The following DSTYK variants were observed in gnomAD, a reference collection of about 807,000 sequenced individuals.
DSTYK encodes RIP-homologous kinase.
Under a neutral mutation model 98.7 loss-of-function variants are expected in DSTYK, and 34 were observed. That is an observed-to-expected ratio of 0.34 (90% CI 0.26 to 0.46). The LOEUF (loss-of-function observed/expected upper bound fraction) is 0.46. Ranked by LOEUF, DSTYK falls within the 20% of genes least tolerant of loss-of-function variation. DSTYK has a pLI of 1.00. For missense variants in DSTYK, 962 were observed against 1,181.7 expected (o/e 0.81, Z 2.73); for synonymous variants, 462 against 457.3 (o/e 1.01, Z -0.13).
rs1028930922 is a variant in DSTYK, at chr1:205,143,618, TC to T, written c.*3939del. 2 of 152,418 alleles carry T rather than the reference TC, an allele frequency of 1.3e-5. No homozygotes were observed. Among genetic ancestry groups the T allele is most frequent in the Non-Finnish European group, 2.9e-5 (2 of 68,012 alleles). The allele number at this position is 152,418 out of a possible 1,614,324, so 9.4% of individuals were successfully genotyped here. On this transcript the variant is annotated 3_prime_UTR_variant, in exon 13 of 13. Transcript: ENST00000367162. ...CCAAAGTGCTACTGTAATCACCAAT[TC>T]CCCTGGGCCTCCCAGTGCTAAATAA...
intron 9 of DSTYK, 74 bp downstream of exon 9, chr1:205,159,473 T>A: frequency 6.8e-7 from 1 of 1,472,168 alleles, no homozygotes; most frequent in Non-Finnish European, 9.1e-7. Flanking sequence ...AAGCTCTTAA[T>A]AAACAGGAGA....
intron 1 of DSTYK, among the ~76,000 whole-genome samples, chr1:205,188,384 T>C (rs1459037187): frequency 1.3e-5 from 2 of 152,182 alleles, no homozygotes; most frequent in Non-Finnish European, 2.9e-5. Context: ...TTAGGTGGTA[T>C]GGGTATAGCC....
chr1:205,169,946 C>T lies in DSTYK; in HGVS notation c.655-114G>A, dbSNP rs544567688. On this transcript the variant is annotated intron_variant, in intron 2 of 12. Transcript: ENST00000367162. This position sits in a 1 kb window ranked among gnomAD's most constrained non-coding sequence, Gnocchi z 4.0. Reference sequence around the variant, plus strand: ...GATCTACAATGGAACAATTGGACTTCGGTACCCCAGCCATTGATCCACCTC... The same window carrying T: ...GATCTACAATGGAACAATTGGACTTTGGTACCCCAGCCATTGATCCACCTC... 81 of 1,001,920 alleles carry T rather than the reference C, an allele frequency of 8.1e-5. No individual in the cohort carries two copies. The African/African-American group carries it at 1.1e-3, about 13-fold the overall frequency. 62.1% of individuals were successfully genotyped at this position (1,001,920 alleles called of 1,614,324 possible). A position where few individuals can be genotyped will look rare whatever the true frequency, so the allele number is the denominator to read the frequency against.
At chr1:205,181,658 GTGTGTGTGTGTGTGTGTGT>G (rs1658406633) in intron 2 of DSTYK, among the ~76,000 whole-genome samples, 1 of 69,146 alleles carries the variant, frequency 1.4e-5, no homozygotes, top group African/African-American at 1.3e-4. Context: ...GTTGGGGTTT[GTGTGTGTGTGTGTGTGTGT>G]GTGTGTGTGT....
chr1:205,206,234 A>G (rs1456591870), intron 1 of DSTYK, among the ~76,000 whole-genome samples: 1 of 151,970 alleles, frequency 6.6e-6, no homozygotes, highest in Admixed American at 6.6e-5. Flanking sequence ...ATAATAGCTA[A>G]TACTTACATA....
chr1:205,155,750 A>G (rs890947045), intron 10 of DSTYK, among the ~76,000 whole-genome samples: 17 of 152,218 alleles, frequency 1.1e-4, no homozygotes, highest in African/African-American at 3.6e-4. Flanking sequence ...TTCGTAAGTA[A>G]TGAGGAGCTG....
In DSTYK at chr1:205,163,785, G is replaced by A. The variant is rs747118221; in HGVS notation, c.1495C>T (p.Leu499=). The A allele has an allele frequency of 1.2e-5, 19 of 1,614,062 alleles. No individual in the cohort carries two copies. The South Asian group carries it at 2.1e-4, about 18-fold the overall frequency. ...ESFVGTLERC[L]QSLEKSQDVS... Reference sequence around the variant, plus strand: ...TCCTGAGACTTCTCCAGGCTCTGCAGACATCGTTCCAGGGTTCCGACGAAG... The same window carrying A: ...TCCTGAGACTTCTCCAGGCTCTGCAAACATCGTTCCAGGGTTCCGACGAAG... Residue 499 remains leucine, a synonymous_variant, in exon 4 of 13, where the codon CTG becomes TTG. Transcript: ENST00000367162.
At chr1:205,203,262 C>T (rs1410802560) in intron 1 of DSTYK, among the ~76,000 whole-genome samples, 1 of 150,290 alleles carries the variant, frequency 6.7e-6, no homozygotes, top group Non-Finnish European at 1.5e-5. Context: ...GTGGCCAGAT[C>T]ACTTGAGGCC....
chr1:205,160,690 C>T (rs572854251), intron 7 of DSTYK, among the ~76,000 whole-genome samples: 1 of 152,184 alleles, frequency 6.6e-6, no homozygotes, highest in South Asian at 2.1e-4. Flanking sequence ...GTAATCAAGC[C>T]CAGGGATAAA....
intron 3 of DSTYK, among the ~76,000 whole-genome samples, chr1:205,166,994 C>T (rs934591826): frequency 6.6e-6 from 1 of 152,160 alleles, no homozygotes; most frequent in Non-Finnish European, 1.5e-5. Context: ...AAGTAGTCCG[C>T]AGTACATAAA....
chr1:205,172,163 G>C (rs1658084171), intron 2 of DSTYK, among the ~76,000 whole-genome samples: 1 of 152,076 alleles, frequency 6.6e-6, no homozygotes, highest in Admixed American at 6.6e-5. Context: ...CACCATGTTG[G>C]CCGGGCTGGT....
chr1:205,196,880 T>C (rs1658883327), intron 1 of DSTYK, among the ~76,000 whole-genome samples: 1 of 147,948 alleles, frequency 6.8e-6, no homozygotes, highest in Non-Finnish European at 1.5e-5. Flanking sequence ...TGCCTCAGCC[T>C]CCCAAGTAGC....
Position 205,211,600 on chromosome 1 carries a change from GC to G in DSTYK, c.-66del. 2 of 1,403,936 alleles carry G rather than the reference GC, an allele frequency of 1.4e-6. No individual in the cohort carries two copies. Among genetic ancestry groups the G allele is most frequent in the Non-Finnish European group, 1.8e-6 (2 of 1,086,958 alleles). The allele number at this position is 1,403,936 out of a possible 1,614,324, so 87.0% of individuals were successfully genotyped here. On this transcript the variant is annotated 5_prime_UTR_variant, in exon 1 of 13. Transcript: ENST00000367162. The stretch of plus-strand genomic sequence containing the variant: ...CGCAGGCCCGGCCTCCCTCCTCCCC[GC>G]CCCCCAGTGCCGAAGGGAGGAGGAA...
rs757391925 is a variant in DSTYK, at chr1:205,163,791, G to A, written c.1489C>T (p.Arg497Ter). Reference protein sequence around the residue: ...LRESFVGTLERCLQSLEKSQD... With the variant: ...LRESFVGTLE Reference sequence around the variant, plus strand: ...GACTTCTCCAGGCTCTGCAGACATCGTTCCAGGGTTCCGACGAAGCTTTCC... The same window carrying A: ...GACTTCTCCAGGCTCTGCAGACATCATTCCAGGGTTCCGACGAAGCTTTCC... The change falls in exon 4 of 13, where the codon CGA (arginine) becomes TGA (stop). Residue 497 changes from arginine (R) to a stop codon, truncating the protein, a stop_gained. Transcript: ENST00000367162. LOFTEE classifies it high-confidence loss of function. The A allele has an allele frequency of 1.9e-6, 3 of 1,614,106 alleles. No homozygotes were observed. The highest frequency in any genetic ancestry group is 1.7e-5 in the Admixed American group (1 of 60,004).
At chr1:205,185,598 G>T (rs373521888) in intron 2 of DSTYK, among the ~76,000 whole-genome samples, 3 of 152,178 alleles carry the variant, frequency 2.0e-5, no homozygotes, top group Non-Finnish European at 2.9e-5. Context: ...AAATGAAGTC[G>T]AAGAGAGAAG....
chr1:205,177,255 C>G (rs181068703), intron 2 of DSTYK, among the ~76,000 whole-genome samples: 7 of 152,068 alleles, frequency 4.6e-5, no homozygotes, highest in African/African-American at 1.7e-4. Flanking sequence ...CAGTTATGTA[C>G]GCAGGCTAAA....
At chr1:205,154,589 A>G (rs929795606) in intron 10 of DSTYK, among the ~76,000 whole-genome samples, 1 of 152,170 alleles carries the variant, frequency 6.6e-6, no homozygotes, top group African/African-American at 2.4e-5. Flanking sequence ...CTTTATTAGC[A>G]GTGTGAGAAT....
rs182725278 is a variant in DSTYK, at chr1:205,169,824, G to T, written c.663C>A (p.Asp221Glu). The change falls in exon 3 of 13, where the codon GAC becomes GAA. Residue 221 changes from aspartate (D) to glutamate (E), a missense_variant. Asp to Glu is a conservative substitution (Grantham distance 45). This residue lies in a region of DSTYK where 660 missense variants were observed against 855.0 expected (regional missense o/e 0.77). Transcript: ENST00000367162. The surrounding 1 kb of genome is among the most constrained non-coding windows in gnomAD (Gnocchi z 4.0). ...TMHHALLQEVDVVVAPCQGLR... is the reference protein window; with the variant it reads ...TMHHALLQEVEVVVAPCQGLR... ...GGCCTTGGCATGGTGCTACCACAAC[G>T]TCCACTTCCTGGAAGGGGAAGGGGG... 265 of 1,609,516 alleles carry T rather than the reference G, an allele frequency of 1.6e-4. 2 individuals are homozygous for T. The East Asian group carries it at 5.5e-3, about 34-fold the overall frequency.
chr1:205,161,113 CT>C (rs1657706408), intron 7 of DSTYK, 144 bp downstream of exon 7: 1 of 1,051,396 alleles, frequency 9.5e-7, no homozygotes, highest in Non-Finnish European at 1.4e-6. Context: ...CAGGAAGAGA[CT>C]TTAGGAATTC....
Sources: gnomAD v4.1 joint callset for allele counts (sites outside exome capture counted in the v4.1 genomes callset) on GRCh38, gnomAD v4.1.1 for gene constraint, gnomAD v4.1.1 regional missense constraint, Gnocchi (gnomAD v3.1) non-coding constraint, MANE v1.5 for transcripts, NCBI Gene and HGNC (gene_info 2026-07-23, HGNC 2026-07-21) for gene names.